GRK7: variants seen among roughly 807,000 people sequenced by gnomAD.
GRK7 encodes G protein-coupled receptor kinase 7.
A neutral mutation model predicts 34.1 loss-of-function variants in GRK7; 24 were observed. That is an observed-to-expected ratio of 0.70 (90% CI 0.51 to 0.99). GRK7 has a LOEUF of 0.99. GRK7 is among the 50% of genes least tolerant of loss of function. The pLI is 0.00. For synonymous variants in GRK7, 256 were observed against 279.4 expected (o/e 0.92, Z 0.84); for missense variants, 644 against 707.3 (o/e 0.91, Z 1.02).
chr3:141,785,633 G>A (rs2084692475), intron 4 of GRK7, among the ~76,000 whole-genome samples: 1 of 152,004 alleles, frequency 6.6e-6, no homozygotes. Context: ...GCATGGTGGT[G>A]GGTGCCTGTA....
chr3:141,793,925 A>C (rs1462048626), intron 4 of GRK7, among the ~76,000 whole-genome samples: 2 of 152,154 alleles, frequency 1.3e-5, no homozygotes, highest in Non-Finnish European at 2.9e-5. Flanking sequence ...GCTCTGGGAT[A>C]CTCAAAGAGT....
At chr3:141,781,308 G>A (rs914515808) in intron 4 of GRK7, among the ~76,000 whole-genome samples, 8 of 152,096 alleles carry the variant, frequency 5.3e-5, no homozygotes, top group African/African-American at 1.4e-4. Flanking sequence ...AGGCCGAGGC[G>A]GGTGGATCTG....
Position 141,765,525 on chromosome 3 carries a change from G to A in GRK7, c.-428G>A, listed in dbSNP as rs1458605980. 6.6e-6 allele frequency among the ~76,000 whole-genome samples: 1 copy of A among 152,118 alleles called. No homozygotes were observed. Among genetic ancestry groups the A allele is most frequent in the South Asian group, 2.1e-4 (1 of 4,824 alleles). ...CTAGGCTTGTGACCAGTAGAATGTG[G>A]CAGAAGTTAACGGTGTATCAGCTCC... On this transcript the variant is annotated 5_prime_UTR_variant, in exon 1 of 6. It introduces an in-frame stop codon into an upstream open reading frame of the 5' UTR. Coordinates refer to ENST00000682958, the MANE Select transcript of GRK7 (RefSeq NM_139209.3).
rs55707760 is a variant in GRK7 at position 141,778,871 on chromosome 3, T to G, written c.587T>G (p.Val196Gly). ...GACAAGTACTTCACTGAGTTCAGAG[T>G]GCTGGGGAAAGGTGGTTTTGGGGAG... ...VSDKYFTEFRVLGKGGFGEVC... is the reference protein window; with the variant it reads ...VSDKYFTEFRGLGKGGFGEVC... Residue 196 changes from valine to glycine, a missense_variant, in exon 3 of 6, where the codon GTG becomes GGG. Coordinates refer to ENST00000682958, the MANE Select transcript of GRK7 (RefSeq NM_139209.3). This position sits in a 1 kb window ranked among gnomAD's most constrained non-coding sequence, Gnocchi z 4.1. 7.3e-4 allele frequency: 1,184 copies of G among 1,611,580 alleles called. 3 individuals carry two copies. The highest frequency in any genetic ancestry group is 9.0e-4 in the Non-Finnish European group (1,064 of 1,178,830).
chr3:141,798,988 T>C (rs1710922313), intron 4 of GRK7, among the ~76,000 whole-genome samples: 1 of 152,204 alleles, frequency 6.6e-6, no homozygotes, highest in South Asian at 2.1e-4. Context: ...TCTACAGTGC[T>C]GTAAAGATGG....
intron 4 of GRK7, among the ~76,000 whole-genome samples, chr3:141,798,913 T>A (rs984669418): frequency 6.6e-6 from 1 of 152,196 alleles, no homozygotes; most frequent in African/African-American, 2.4e-5. Flanking sequence ...GTCCTGAAAA[T>A]TATTTGGAAT....
chr3:141,812,975 G>T (rs1427012974), intron 5 of GRK7, among the ~76,000 whole-genome samples: 1 of 152,130 alleles, frequency 6.6e-6, no homozygotes, highest in Admixed American at 6.5e-5. Context: ...AGACATGCAG[G>T]TCTGGGGCTC....
At chr3:141,751,806 A>G in the GRK7 span, among the ~76,000 whole-genome samples, 1 of 152,250 alleles carries the variant, frequency 6.6e-6, no homozygotes, top group Admixed American at 6.5e-5. Flanking sequence ...CAGTAGTCAC[A>G]TATGGATAGT....
intron 4 of GRK7, among the ~76,000 whole-genome samples, chr3:141,787,416 G>T (rs914337024): frequency 6.6e-6 from 1 of 152,044 alleles, no homozygotes; most frequent in Non-Finnish European, 1.5e-5. Flanking sequence ...CTGAGGTCAG[G>T]AGCTTGAGAC....
chr3:141,771,503 G>T (rs967968753), intron 1 of GRK7, among the ~76,000 whole-genome samples: 7 of 151,666 alleles, frequency 4.6e-5, no homozygotes, highest in African/African-American at 7.3e-5. Flanking sequence ...ATTACTTAGA[G>T]AGTAGAATAA....
intron 4 of GRK7, among the ~76,000 whole-genome samples, chr3:141,806,424 G>C (rs1248199173): frequency 6.6e-6 from 1 of 152,042 alleles, no homozygotes; most frequent in Non-Finnish European, 1.5e-5. Flanking sequence ...TTAGCCAGGC[G>C]TGGTGGCAGG....
At chr3:141,800,380 TAAA>T (rs5853047) in intron 4 of GRK7, among the ~76,000 whole-genome samples, 35,380 of 79,560 alleles carry the variant, frequency 0.44, 6,666 homozygotes, top group Middle Eastern at 0.62. Context: ...TTGTCATTTG[TAAA>T]AAAAAAAAAA....
At chr3:141,784,547 C>G (rs1383487879) in intron 4 of GRK7, among the ~76,000 whole-genome samples, 2 of 152,062 alleles carry the variant, frequency 1.3e-5, no homozygotes, top group African/African-American at 4.8e-5. Context: ...TAAGTAAACC[C>G]CCTTAGTTTC....
intron 4 of GRK7, among the ~76,000 whole-genome samples, chr3:141,804,578 C>CACACAT (rs777356620): frequency 7.9e-5 from 12 of 151,226 alleles, no homozygotes; most frequent in Non-Finnish European, 1.3e-4. Flanking sequence ...CATACACATA[C>CACACAT]ACACATACAC....
chr3:141,789,894 C>T (rs2084715556), intron 4 of GRK7, among the ~76,000 whole-genome samples: 1 of 152,160 alleles, frequency 6.6e-6, no homozygotes, highest in Non-Finnish European at 1.5e-5. Flanking sequence ...GACCCAAAGT[C>T]ACAGTACTAG....
chr3:141,771,214 CGTGTGT>C (rs67606208), intron 1 of GRK7, among the ~76,000 whole-genome samples: 1 of 150,120 alleles, frequency 6.7e-6, no homozygotes, highest in Non-Finnish European at 1.5e-5. Flanking sequence ...TGTGTGTGCA[CGTGTGT>C]GTGTGTGTGT....
chr3:141,784,320 G>A (rs2084685788), intron 4 of GRK7, among the ~76,000 whole-genome samples: 1 of 152,174 alleles, frequency 6.6e-6, no homozygotes, highest in Non-Finnish European at 1.5e-5. Context: ...TTTTACCTCT[G>A]CATCCCTCTC....
At chr3:141,781,245 G>A (rs537260079) in intron 4 of GRK7, among the ~76,000 whole-genome samples, 22 of 152,280 alleles carry the variant, frequency 1.4e-4, no homozygotes, top group Non-Finnish European at 2.8e-4. Flanking sequence ...ATAAGAAAAA[G>A]AATGATCCGG....
intron 4 of GRK7, among the ~76,000 whole-genome samples, chr3:141,805,873 T>G (rs1711030969): frequency 1.3e-5 from 2 of 152,214 alleles, no homozygotes; most frequent in Non-Finnish European, 2.9e-5. Context: ...TCTATCGCAC[T>G]ACAGCCTCGA....
Sources: gnomAD v4.1 joint callset for allele counts (sites outside exome capture counted in the v4.1 genomes callset) on GRCh38, gnomAD v4.1.1 for gene constraint, Gnocchi (gnomAD v3.1) non-coding constraint, MANE v1.5 for transcripts, NCBI Gene and HGNC (gene_info 2026-07-23, HGNC 2026-07-21) for gene names.